The following RNF182 variants were observed in gnomAD, a reference collection of about 807,000 sequenced individuals.
RNF182 encodes the protein ring finger protein 182.
A neutral mutation model predicts 14.4 loss-of-function variants in RNF182; 15 were observed. The observed-to-expected ratio is 1.04, with a 90% CI of 0.70 to 1.60. RNF182 has a LOEUF of 1.60. Among genes scored for constraint, RNF182 ranks in the 40% most tolerant of loss-of-function variants. RNF182 has a pLI of 0.00. For synonymous variants in RNF182, 128 were observed against 122.9 expected (o/e 1.04, Z -0.27); for missense variants, 268 against 294.8 (o/e 0.91, Z 0.67).
At chr6:13,942,542 A>G (rs1759324956) in intron 1 of RNF182, among the ~76,000 whole-genome samples, 1 of 151,962 alleles carries the variant, frequency 6.6e-6, no homozygotes, top group African/African-American at 2.4e-5. Flanking sequence ...AGATTTTACC[A>G]TTTTGGCCAG....
At chr6:13,929,365 A>G (rs566583036) in intron 1 of RNF182, among the ~76,000 whole-genome samples, 5 of 152,322 alleles carry the variant, frequency 3.3e-5, no homozygotes, top group African/African-American at 9.6e-5. Flanking sequence ...GGTGTTTTAC[A>G]TAATTTGATC....
intron 1 of RNF182, among the ~76,000 whole-genome samples, chr6:13,958,428 C>T (rs1561783704): frequency 6.6e-6 from 1 of 152,040 alleles, no homozygotes; most frequent in African/African-American, 2.4e-5. Flanking sequence ...TGAAAGTCTA[C>T]ATTATAAAAT....
At position 13,977,467 on chromosome 6, in the gene RNF182, C is replaced by T. The variant is rs35050766; in HGVS notation, c.348C>T (p.Ala116=). The T allele has an allele frequency of 0.037, 59,527 of 1,614,086 alleles. 1,283 individuals carry two copies. The highest frequency in any genetic ancestry group is 0.044 in the South Asian group (3,977 of 91,078). ...TELLLTPKRL[A]SLVSPSHTSS... ...TGCTGCTCACCCCCAAGAGGCTGGC[C>T]TCTCTGGTCAGTCCTTCTCACACGT... The change falls in exon 3 of 3, where the codon GCC becomes GCT. Residue 116 remains alanine, a synonymous_variant. Coordinates refer to ENST00000488300, the MANE Select transcript of RNF182 (RefSeq NM_152737.4).
chr6:13,952,772 G>A (rs868430764), intron 1 of RNF182, among the ~76,000 whole-genome samples: 3 of 152,028 alleles, frequency 2.0e-5, no homozygotes, highest in Non-Finnish European at 4.4e-5. Flanking sequence ...AGAAAGTAAG[G>A]GAATAAAAAG....
intron 1 of RNF182, among the ~76,000 whole-genome samples, chr6:13,960,683 G>A (rs1759851295): frequency 8.8e-6 from 1 of 113,780 alleles, no homozygotes; most frequent in African/African-American, 2.7e-5. Context: ...GTGTGTGTGT[G>A]TGTGTGTGTG....
intron 1 of RNF182, among the ~76,000 whole-genome samples, chr6:13,938,577 A>C (rs1759202776): frequency 6.6e-6 from 1 of 152,088 alleles, no homozygotes; most frequent in Non-Finnish European, 1.5e-5. Flanking sequence ...TTATTGTTTT[A>C]CTTTTCACAT....
At chr6:13,945,791 A>G (rs1299352499) in intron 1 of RNF182, among the ~76,000 whole-genome samples, 4 of 152,140 alleles carry the variant, frequency 2.6e-5, no homozygotes, top group Non-Finnish European at 4.4e-5. Context: ...CATCCCATTC[A>G]TTCTGATTAC....
rs1399765729 is a variant in RNF182, at chr6:13,979,403, T to C, written c.*1540T>C. 2 of 167,166 alleles carry C rather than the reference T, an allele frequency of 1.2e-5. No individual in the cohort carries two copies. Among genetic ancestry groups the C allele is most frequent in the East Asian group, 3.9e-4 (2 of 5,184 alleles). 10.4% of individuals were successfully genotyped at this position (167,166 alleles called of 1,614,324 possible). ...CGACTTTAACTTGTTATGAAATCTTTGTTGTGTGATGCAGGTACAGTGCGC... is the reference window on the plus strand; with the variant it reads ...CGACTTTAACTTGTTATGAAATCTTCGTTGTGTGATGCAGGTACAGTGCGC... On this transcript the variant is annotated 3_prime_UTR_variant, in exon 3 of 3. Transcript: ENST00000488300.
intron 1 of RNF182, among the ~76,000 whole-genome samples, chr6:13,943,266 A>G (rs144826359): frequency 1.9e-4 from 29 of 152,058 alleles, no homozygotes; most frequent in Admixed American, 5.2e-4. Flanking sequence ...TACCATGTGC[A>G]TAGAGGTGGT....
rs191784799 is a variant in RNF182, at chr6:13,971,387, C to T, written c.-366-2823C>T. Among the ~76,000 whole-genome samples the T allele has an allele frequency of 6.2e-4, 95 of 152,248 alleles. No individual in the cohort carries two copies. In the Middle Eastern group the frequency reaches 0.014, roughly 22 times the overall value. ...TTCTGTCATGATTGTGAGGCCTCCC[C>T]AGCCATGTGAAATTGTGAGTCCATT... On this transcript the variant is annotated intron_variant, in intron 1 of 2. Transcript: ENST00000488300.
At chr6:13,958,738 G>A (rs181583047) in intron 1 of RNF182, among the ~76,000 whole-genome samples, 1 of 152,300 alleles carries the variant, frequency 6.6e-6, no homozygotes, top group East Asian at 1.9e-4. Context: ...GAAGTAAACA[G>A]AGTGCCATAA....
intron 1 of RNF182, among the ~76,000 whole-genome samples, chr6:13,961,776 A>AG (rs972794146): frequency 6.6e-6 from 1 of 152,012 alleles, no homozygotes; most frequent in Non-Finnish European, 1.5e-5. Flanking sequence ...TTCTTGGAGG[A>AG]GGGGGGAGGT....
At chr6:13,949,452 C>G in intron 1 of RNF182, 1 of 669,550 alleles carries the variant, frequency 1.5e-6, no homozygotes, top group East Asian at 2.7e-5. Context: ...TGACTTCATT[C>G]TGGCCTTTGG....
At chr6:13,948,836 GTC>G (rs998649897) in intron 1 of RNF182, among the ~76,000 whole-genome samples, 11 of 152,064 alleles carry the variant, frequency 7.2e-5, no homozygotes, top group African/African-American at 2.7e-4. Flanking sequence ...TCCAAATAAT[GTC>G]TCTTTTCTCT....
intron 1 of RNF182, among the ~76,000 whole-genome samples, chr6:13,973,540 C>T (rs1027632303): frequency 1.3e-5 from 2 of 152,056 alleles, no homozygotes; most frequent in African/African-American, 4.8e-5. Context: ...GTCAGTTTCC[C>T]CTATACTGTT....
rs1760342579 is a variant in RNF182, at chr6:13,976,972, CCTGGAAGATTT to C, written c.-143_-133del. ...GAGTTATATGCAGAAGTTGAAAATG[CCTGGAAGATTT>C]CTGGTTTCTTTCACTACTTATCCTG... On this transcript the variant is annotated 5_prime_UTR_variant, in exon 3 of 3. An upstream open reading frame in the 5' UTR loses its in-frame stop. Coordinates refer to ENST00000488300, the MANE Select transcript of RNF182 (RefSeq NM_152737.4). The C allele has an allele frequency of 1.2e-5, 10 of 808,998 alleles. No individual in the cohort carries two copies. The highest frequency in any genetic ancestry group is 1.8e-5 in the Non-Finnish European group (9 of 504,064). 50.1% of individuals were successfully genotyped at this position (808,998 alleles called of 1,614,324 possible). A position where few individuals can be genotyped will look rare whatever the true frequency, so the allele number is the denominator to read the frequency against.
intron 1 of RNF182, among the ~76,000 whole-genome samples, chr6:13,971,970 C>G (rs1760196446): frequency 6.6e-6 from 1 of 152,028 alleles, no homozygotes; most frequent in Non-Finnish European, 1.5e-5. Flanking sequence ...TATGTATTCA[C>G]AAAGATATGG....
At chr6:13,943,959 G>A (rs1180417853) in intron 1 of RNF182, among the ~76,000 whole-genome samples, 1 of 152,210 alleles carries the variant, frequency 6.6e-6, no homozygotes, top group Non-Finnish European at 1.5e-5. Flanking sequence ...GTATCCTTAG[G>A]ACAGGAAATA....
At chr6:13,924,924 T>C (rs1758773912), upstream of RNF182, 1 of 144,092 alleles carries the variant, frequency 6.9e-6, no homozygotes, top group Admixed American at 6.8e-5. Flanking sequence ...GCCAGCCCGC[T>C]AGCTCCTCGC....
Sources: allele counts gnomAD v4.1 joint callset (sites outside exome capture counted in the v4.1 genomes callset), GRCh38; gene constraint gnomAD v4.1.1; transcripts MANE v1.5; gene names NCBI Gene and HGNC (gene_info 2026-07-23, HGNC 2026-07-21).